The following MAP1B variants were observed in gnomAD, a reference collection of about 807,000 sequenced individuals.
MAP1B encodes microtubule associated protein 1B.
Under a neutral mutation model 176.1 loss-of-function variants are expected in MAP1B, and 12 were observed. The observed-to-expected ratio is 0.07, with a 90% CI of 0.04 to 0.11. MAP1B has a LOEUF of 0.11. MAP1B is among the 10% of genes least tolerant of loss of function. The pLI, the probability that MAP1B is intolerant of heterozygous loss-of-function variation, is 1.00. For synonymous variants in MAP1B, 1,044 were observed against 1,135.0 expected (o/e 0.92, Z 1.61); for missense variants, 2,523 against 2,990.5 (o/e 0.84, Z 3.65).
chr5:72,146,096 A>AT (rs960183725), intron 2 of MAP1B, among the ~76,000 whole-genome samples: 49 of 152,370 alleles, frequency 3.2e-4, no homozygotes, highest in African/African-American at 1.1e-3. Flanking sequence ...AAAGTAGCCT[A>AT]TTAGTTGAGA....
At chr5:72,201,397 A>C (rs1747332010) in intron 5 of MAP1B, among the ~76,000 whole-genome samples, 1 of 152,178 alleles carries the variant, frequency 6.6e-6, no homozygotes, top group Admixed American at 6.5e-5. Flanking sequence ...ATAAATAAGC[A>C]AATGAAATGC....
intron 2 of MAP1B, among the ~76,000 whole-genome samples, chr5:72,133,220 T>C (rs1344707739): frequency 6.6e-6 from 1 of 152,188 alleles, no homozygotes; most frequent in African/African-American, 2.4e-5. Context: ...CAGCATGCAC[T>C]CCTCTCCAGG....
intron 2 of MAP1B, among the ~76,000 whole-genome samples, chr5:72,128,284 G>A (rs1561293018): frequency 6.6e-6 from 1 of 152,086 alleles, no homozygotes; most frequent in Non-Finnish European, 1.5e-5. Context: ...TCATTAGTGA[G>A]CAAACTATTT....
At position 72,107,509 on chromosome 5, in the gene MAP1B, G is replaced by T. The variant is rs1215745546; in HGVS notation, c.-23G>T. 1.3e-6 allele frequency: 2 copies of T among 1,538,032 alleles called. No homozygotes were observed. The highest frequency in any genetic ancestry group is 4.8e-5 in the East Asian group (2 of 41,528). ...AGGAGCGGCCGGAGCGAGACACTTC[G>T]CCGAGGCACAGCAGCCGGCAGGATG... On this transcript the variant is annotated 5_prime_UTR_variant, in exon 1 of 7. Transcript: ENST00000296755.
Position 72,197,025 on chromosome 5 carries a change from C to G in MAP1B, c.3670C>G (p.Arg1224Gly). 2 of 1,614,170 alleles carry G rather than the reference C, an allele frequency of 1.2e-6. No individual in the cohort carries two copies. Among genetic ancestry groups the G allele is most frequent in the Non-Finnish European group, 1.7e-6 (2 of 1,180,030 alleles). ...EEDKFSRSAL[R>G]DAYCSEVKAS... Reference sequence around the variant, plus strand: ...AGACAAATTCAGCAGATCTGCTTTACGTGATGCTTACTGCTCTGAAGTGAA... The same window carrying G: ...AGACAAATTCAGCAGATCTGCTTTAGGTGATGCTTACTGCTCTGAAGTGAA... The change falls in exon 5 of 7, where the codon CGT becomes GGT. Residue 1224 changes from arginine (R) to glycine (G), a missense_variant. By Grantham distance (125) the Arg-to-Gly change is moderately radical. Coordinates refer to ENST00000296755, the MANE Select transcript of MAP1B (RefSeq NM_005909.5).
intron 2 of MAP1B, among the ~76,000 whole-genome samples, chr5:72,153,225 G>A (rs1446583825): frequency 6.6e-6 from 1 of 152,016 alleles, no homozygotes; most frequent in African/African-American, 2.4e-5. Context: ...GCTGTGCTGG[G>A]TTACACAGCA....
At chr5:72,202,392 AT>A (rs1747350798) in intron 5 of MAP1B, among the ~76,000 whole-genome samples, 1 of 152,264 alleles carries the variant, frequency 6.6e-6, no homozygotes, top group Admixed American at 6.5e-5. Flanking sequence ...CATAGAATGA[AT>A]TAGCTTATCC....
At chr5:72,193,814 G>A in intron 4 of MAP1B, 52 bp from the exon 5 acceptor site, 1 of 1,516,140 alleles carries the variant, frequency 6.6e-7, no homozygotes, top group East Asian at 2.3e-5. Flanking sequence ...ATGGATCAGT[G>A]ATGATAATCA....
In MAP1B at chr5:72,204,612, C is replaced by G. The variant is rs1747403627; in HGVS notation, c.7252-472C>G. Among the ~76,000 whole-genome samples, 1 of 152,184 alleles carries G rather than the reference C, an allele frequency of 6.6e-6. No individual in the cohort carries two copies. The highest frequency in any genetic ancestry group is 1.5e-5 in the Non-Finnish European group (1 of 68,042). Reference sequence around the variant, plus strand: ...CAGGACATTACTTACCCACCCCATACCTCCATCCCCAACCACACACATAAA... The same window carrying G: ...CAGGACATTACTTACCCACCCCATAGCTCCATCCCCAACCACACACATAAA... On this transcript the variant is annotated intron_variant, in intron 6 of 6. Coordinates refer to ENST00000296755, the MANE Select transcript of MAP1B (RefSeq NM_005909.5). This position sits in a 1 kb window ranked among gnomAD's most constrained non-coding sequence, Gnocchi z 4.4.
chr5:72,141,127 C>T (rs956716692), intron 2 of MAP1B, among the ~76,000 whole-genome samples: 1 of 152,178 alleles, frequency 6.6e-6, no homozygotes, highest in Non-Finnish European at 1.5e-5. Flanking sequence ...AGTTTCACTC[C>T]CACCTCAAAC....
chr5:72,171,151 G>A (rs1328148761), intron 2 of MAP1B, among the ~76,000 whole-genome samples: 4 of 152,110 alleles, frequency 2.6e-5, no homozygotes, highest in African/African-American at 9.7e-5. Context: ...TAAGGAAAAA[G>A]GGTAAAGAGG....
At chr5:72,171,221 G>T (rs1223222171) in intron 2 of MAP1B, among the ~76,000 whole-genome samples, 1 of 152,178 alleles carries the variant, frequency 6.6e-6, no homozygotes, top group Non-Finnish European at 1.5e-5. Context: ...CATAGCAAAG[G>T]ATAGTGCCTG....
chr5:72,152,113 G>A (rs572183124), intron 2 of MAP1B, among the ~76,000 whole-genome samples: 82 of 152,212 alleles, frequency 5.4e-4, no homozygotes, highest in Middle Eastern at 3.4e-3. Context: ...GATCCAATGC[G>A]GTATCCCACA....
intron 2 of MAP1B, among the ~76,000 whole-genome samples, chr5:72,153,930 C>G (rs1271069394): frequency 6.6e-6 from 1 of 151,970 alleles, no homozygotes; most frequent in African/African-American, 2.4e-5. Flanking sequence ...TTCCCTAGGT[C>G]GGGAAGATGA....
chr5:72,180,122 G>A (rs970328832), intron 2 of MAP1B, among the ~76,000 whole-genome samples: 3 of 152,178 alleles, frequency 2.0e-5, no homozygotes, highest in East Asian at 3.9e-4. Flanking sequence ...TGCAGCTAGC[G>A]GGCTCAGGGC....
At chr5:72,138,271 G>A (rs1009814649) in intron 2 of MAP1B, among the ~76,000 whole-genome samples, 2 of 152,078 alleles carry the variant, frequency 1.3e-5, no homozygotes, top group Non-Finnish European at 1.5e-5. Flanking sequence ...GCCAATAAAC[G>A]TATGAAAAAT....
chr5:72,194,250 C>A lies in MAP1B; in HGVS notation c.895C>A (p.Arg299=), dbSNP rs146324682. The change falls in exon 5 of 7, where the codon CGA becomes AGA. Residue 299 remains arginine (R), a synonymous_variant. Coordinates refer to ENST00000296755, the MANE Select transcript of MAP1B (RefSeq NM_005909.5). This position sits in a 1 kb window ranked among gnomAD's most constrained non-coding sequence, Gnocchi z 7.2. ...ERKSCFWKLI[R]HLDRVDSILL... ...AAAATCCTGCTTCTGGAAGCTCATC[C>A]GACACTTAGACCGAGTGGACTCCAT... The A allele has an allele frequency of 5.2e-5, 84 of 1,614,138 alleles. No individual in the cohort carries two copies. Among genetic ancestry groups the A allele is most frequent in the Non-Finnish European group, 6.6e-5 (78 of 1,180,028 alleles).
In MAP1B at chr5:72,197,114, A is replaced by G. The variant is rs746180712; in HGVS notation, c.3759A>G (p.Pro1253=). ...ISAVSSEKVS[P]SKSPSLSPSP... ...CTGTTTCAAGTGAAAAGGTCAGCCC[A>G]TCGAAGAGCCCGTCCCTGAGTCCAT... The change falls in exon 5 of 7, where the codon CCA becomes CCG. Residue 1253 remains proline (P), a synonymous_variant. Coordinates refer to ENST00000296755, the MANE Select transcript of MAP1B (RefSeq NM_005909.5). 16 of 1,614,104 alleles carry G rather than the reference A, an allele frequency of 9.9e-6. No individual in the cohort carries two copies. Among genetic ancestry groups the G allele is most frequent in the Non-Finnish European group, 1.4e-5 (16 of 1,180,050 alleles).
rs767749531 is a variant in MAP1B at position 72,196,555 on chromosome 5, C to A, written c.3200C>A (p.Thr1067Lys). 1.2e-6 allele frequency: 2 copies of A among 1,613,752 alleles called. No homozygotes were observed. Among genetic ancestry groups the A allele is most frequent in the Non-Finnish European group, 1.7e-6 (2 of 1,180,020 alleles). The change falls in exon 5 of 7, where the codon ACA (threonine) becomes AAA (lysine). Residue 1067 changes from threonine to lysine, a missense_variant. Thr to Lys is a moderately conservative substitution (Grantham distance 78, BLOSUM62 -1). Transcript: ENST00000296755. The surrounding 1 kb of genome is among the most constrained non-coding windows in gnomAD (Gnocchi z 5.3). ...GAEEQYGFLT[T>K]PTKQLGAQSP... ...GAGGAGCAGTATGGATTCCTCACCA[C>A]ACCAACCAAGCAACTAGGAGCCCAG...
Sources: gnomAD v4.1 joint callset for allele counts (sites outside exome capture counted in the v4.1 genomes callset) on GRCh38, gnomAD v4.1.1 for gene constraint, Gnocchi (gnomAD v3.1) non-coding constraint, MANE v1.5 for transcripts, NCBI Gene and HGNC (gene_info 2026-07-23, HGNC 2026-07-21) for gene names.